PLEKHD1: variants seen among roughly 807,000 people sequenced by gnomAD.
PLEKHD1 encodes the protein pleckstrin homology and coiled-coil domain containing D1.
Under a neutral mutation model 69.2 loss-of-function variants are expected in PLEKHD1, and 51 were observed. That is an observed-to-expected ratio of 0.74 (90% CI 0.59 to 0.93). The LOEUF (loss-of-function observed/expected upper bound fraction) is 0.93, where lower values mean the gene tolerates loss of function less well. Ranked by LOEUF, PLEKHD1 falls within the 40% of genes least tolerant of loss-of-function variation. The probability of loss-of-function intolerance (pLI) is 0.00; values close to 1 mark genes in which losing one functional copy is unlikely to be tolerated. For synonymous variants in PLEKHD1, 236 were observed against 244.7 expected (o/e 0.96, Z 0.33); for missense variants, 584 against 641.0 (o/e 0.91, Z 0.96).
At chr14:69,494,363 C>A (rs1472128484) in intron 1 of PLEKHD1, among the ~76,000 whole-genome samples, 2 of 152,136 alleles carry the variant, frequency 1.3e-5, no homozygotes, top group Non-Finnish European at 2.9e-5. Context: ...GCCTCTGGCC[C>A]ATCTGTTTCC....
intron 6 of PLEKHD1, among the ~76,000 whole-genome samples, chr14:69,520,880 G>T (rs372929281): frequency 6.6e-6 from 1 of 152,206 alleles, no homozygotes; most frequent in African/African-American, 2.4e-5. Context: ...ACACACTTCT[G>T]CTCTCATTCC....
intron 6 of PLEKHD1, among the ~76,000 whole-genome samples, chr14:69,511,111 A>G (rs1017433965): frequency 1.3e-5 from 2 of 152,066 alleles, no homozygotes; most frequent in African/African-American, 4.8e-5. Flanking sequence ...GTTGTGATGT[A>G]TTATTCGTTT....
intron 1 of PLEKHD1, among the ~76,000 whole-genome samples, chr14:69,496,452 C>T (rs1392738567): frequency 6.6e-6 from 1 of 152,144 alleles, no homozygotes; most frequent in Non-Finnish European, 1.5e-5. Flanking sequence ...GGCACCTGTT[C>T]CTGGCTTGCA....
At position 69,520,203 on chromosome 14, in the gene PLEKHD1, G is replaced by A. The variant is rs530280939; in HGVS notation, c.556-2080G>A. Reference sequence around the variant, plus strand: ...AAAAAAAAAAAAAAAAAAAGAGCTGGGCACCTTTGTTATTTTCCAGTGTAA... The same window carrying A: ...AAAAAAAAAAAAAAAAAAAGAGCTGAGCACCTTTGTTATTTTCCAGTGTAA... On this transcript the variant is annotated intron_variant, in intron 6 of 12. Transcript: ENST00000322564. 2.5e-4 allele frequency among the ~76,000 whole-genome samples: 37 copies of A among 148,316 alleles called. No homozygotes were observed. The East Asian group carries it at 3.2e-3, about 13-fold the overall frequency.
chr14:69,483,210 G>T (rs533382970), upstream of PLEKHD1, among the ~76,000 whole-genome samples: 7 of 152,076 alleles, frequency 4.6e-5, no homozygotes, highest in Non-Finnish European at 1.0e-4. Context: ...GCAACAAGGG[G>T]ATGCTGTCTG....
At chr14:69,522,640 C>G (rs1350685320) in intron 7 of PLEKHD1, among the ~76,000 whole-genome samples, 2 of 152,136 alleles carry the variant, frequency 1.3e-5, no homozygotes, top group Admixed American at 6.5e-5. Context: ...CTCCAAGCCA[C>G]AAAGCCCCCT....
At chr14:69,488,547 A>T (rs1882703513) in intron 1 of PLEKHD1, among the ~76,000 whole-genome samples, 1 of 152,090 alleles carries the variant, frequency 6.6e-6, no homozygotes, top group African/African-American at 2.4e-5. Context: ...GACCCCCTTT[A>T]AAAAATAAAC....
At position 69,530,474 on chromosome 14, in the gene PLEKHD1, A is replaced by T. The variant is rs1883767991; in HGVS notation, c.*2055A>T. The T allele has an allele frequency of 1.3e-5, 2 of 152,180 alleles. No homozygotes were observed. Among genetic ancestry groups the T allele is most frequent in the African/African-American group, 4.8e-5 (2 of 41,452 alleles). 9.4% of individuals were successfully genotyped at this position (152,180 alleles called of 1,614,324 possible). A position where few individuals can be genotyped will look rare whatever the true frequency, so the allele number is the denominator to read the frequency against. ...TGAATTGAAGGGGAATATTTATAAAACCAAGATTACTGTTTCCTTTTTTTT... is the reference window on the plus strand; with the variant it reads ...TGAATTGAAGGGGAATATTTATAAATCCAAGATTACTGTTTCCTTTTTTTT... On this transcript the variant is annotated 3_prime_UTR_variant, in exon 13 of 13. Coordinates refer to ENST00000322564, the MANE Select transcript of PLEKHD1 (RefSeq NM_001161498.2).
chr14:69,485,334 T>C (rs948696524), intron 1 of PLEKHD1, among the ~76,000 whole-genome samples: 2 of 152,162 alleles, frequency 1.3e-5, no homozygotes, highest in African/African-American at 4.8e-5. Context: ...GCAAATTCTC[T>C]ATGGAATGAA....
chr14:69,474,802 G>GA, the PLEKHD1 span, among the ~76,000 whole-genome samples: 1 of 151,966 alleles, frequency 6.6e-6, no homozygotes, highest in Non-Finnish European at 1.5e-5. Context: ...ATTGAACCTG[G>GA]AAAAAAAATT....
chr14:69,511,078 T>C (rs908630491), intron 6 of PLEKHD1, among the ~76,000 whole-genome samples: 6 of 152,244 alleles, frequency 3.9e-5, no homozygotes, highest in Admixed American at 6.5e-5. Flanking sequence ...CAGCCTTGTA[T>C]ACTTGGGAAT....
chr14:69,498,662 T>TCTTCTCTTCTCTTCTCTTCTC (rs1566557403), intron 1 of PLEKHD1, among the ~76,000 whole-genome samples: 23 of 135,216 alleles, frequency 1.7e-4, no homozygotes, highest in Admixed American at 3.6e-4. Context: ...TCTTCTCTTC[T>TCTTCTCTTCTCTTCTCTTCTC]TTGAGATGGA....
intron 6 of PLEKHD1, among the ~76,000 whole-genome samples, chr14:69,512,400 C>G (rs528264786): frequency 6.6e-6 from 1 of 151,718 alleles, no homozygotes; most frequent in African/African-American, 2.4e-5. Context: ...GATTTCTGCT[C>G]TGTTTTATTT....
chr14:69,484,868 G>A lies in PLEKHD1; in HGVS notation c.-98G>A. The A allele has an allele frequency of 9.3e-6, 13 of 1,395,854 alleles. No homozygotes were observed. Among genetic ancestry groups the A allele is most frequent in the Non-Finnish European group, 1.3e-5 (13 of 1,036,320 alleles). The allele number at this position is 1,395,854 out of a possible 1,614,324, so 86.5% of individuals were successfully genotyped here. A position where few individuals can be genotyped will look rare whatever the true frequency, so the allele number is the denominator to read the frequency against. On this transcript the variant is annotated 5_prime_UTR_variant, in exon 1 of 13. An upstream open reading frame in the 5' UTR gains an earlier in-frame stop. Transcript: ENST00000322564. The stretch of plus-strand genomic sequence containing the variant: ...GGCCGCTCTGCTTCTCTGCTCGCTG[G>A]GACGCTCTCCGACGGCTCCGCCCTC...
chr14:69,499,320 A>G (rs551737554), intron 1 of PLEKHD1, among the ~76,000 whole-genome samples: 10 of 152,160 alleles, frequency 6.6e-5, no homozygotes, highest in African/African-American at 2.4e-4. Context: ...CGTCACTACA[A>G]CAGCACTTAT....
chr14:69,510,165 G>T (rs960156909), intron 6 of PLEKHD1, among the ~76,000 whole-genome samples: 1 of 152,128 alleles, frequency 6.6e-6, no homozygotes. Flanking sequence ...TCAATATTGA[G>T]TTGGCTATTA....
the PLEKHD1 span, among the ~76,000 whole-genome samples, chr14:69,468,743 G>A: frequency 6.6e-6 from 1 of 152,086 alleles, no homozygotes; most frequent in African/African-American, 2.4e-5. Context: ...ACCATGCCTG[G>A]CTAAGTTTTT....
rs1195713236 is a variant in PLEKHD1, at chr14:69,502,827, A to C, written c.503A>C (p.Asp168Ala). Residue 168 changes from aspartate (D) to alanine (A), a missense_variant and splice_region_variant, in exon 6 of 13, where the codon GAC becomes GCC. Asp to Ala is a moderately radical substitution (Grantham distance 126). Transcript: ENST00000322564. ...TGTGTGTGTGTGCTTGTTTTGGCAG[A>C]CAAACTGATGGAAGAGACCGAAGAA... The part of the protein sequence containing the change: ...QLAKEKQEYL[D>A]KLMEETEELC... The C allele has an allele frequency of 1.3e-6, 2 of 1,551,634 alleles. No homozygotes were observed. The highest frequency in any genetic ancestry group is 2.4e-5 in the South Asian group (2 of 84,060).
chr14:69,507,142 G>A (rs1312898666), intron 6 of PLEKHD1, among the ~76,000 whole-genome samples: 3 of 151,828 alleles, frequency 2.0e-5, no homozygotes, highest in Non-Finnish European at 1.5e-5. Context: ...CCCCCTCCTC[G>A]GCCTCCCAAA....
Sources: gnomAD v4.1 joint callset for allele counts (sites outside exome capture counted in the v4.1 genomes callset) on GRCh38, gnomAD v4.1.1 for gene constraint, MANE v1.5 for transcripts, NCBI Gene and HGNC (gene_info 2026-07-23, HGNC 2026-07-21) for gene names.